Variants in RAB11FIP2 observed in about 807,000 individuals in gnomAD.
RAB11FIP2 encodes RAB11 family interacting protein 2.
RAB11FIP2 carries 16 observed loss-of-function variants against 40.9 expected under a neutral mutation model. That is an observed-to-expected ratio of 0.39 (90% CI 0.26 to 0.59). The LOEUF (loss-of-function observed/expected upper bound fraction) is 0.59, where lower values mean the gene tolerates loss of function less well. RAB11FIP2 is among the 20% of genes least tolerant of loss of function. RAB11FIP2 has a pLI of 0.53. For synonymous variants in RAB11FIP2, 228 were observed against 213.7 expected, an observed-to-expected ratio of 1.07 and a Z score of -0.58; for missense variants, 532 against 606.2, an observed-to-expected ratio of 0.88 and a Z score of 1.28.
chr10:118,041,493 G>C (rs1241836073), intron 1 of RAB11FIP2, among the ~76,000 whole-genome samples: 1 of 151,902 alleles, frequency 6.6e-6, no homozygotes, highest in Non-Finnish European at 1.5e-5. Context: ...CATTCTATGG[G>C]AAAACAGCCA....
chr10:118,024,562 C>T (rs1267740475), intron 3 of RAB11FIP2, among the ~76,000 whole-genome samples: 2 of 149,530 alleles, frequency 1.3e-5, no homozygotes, highest in African/African-American at 4.9e-5. Context: ...GGAGTGATGA[C>T]AGCAAGGCAC....
chr10:118,019,603 C>G (rs1846259447), intron 3 of RAB11FIP2, among the ~76,000 whole-genome samples: 2 of 151,986 alleles, frequency 1.3e-5, no homozygotes, highest in Non-Finnish European at 2.9e-5. Context: ...ACAGGCAGAT[C>G]ACGAGGTCAG....
chr10:118,029,691 A>C (rs1197198669), intron 3 of RAB11FIP2, among the ~76,000 whole-genome samples: 1 of 152,162 alleles, frequency 6.6e-6, no homozygotes, highest in Non-Finnish European at 1.5e-5. Flanking sequence ...GAGTAGCACC[A>C]CTGAGACAGC....
Position 118,008,709 on chromosome 10 carries a change from C to A in RAB11FIP2, c.*289G>T. On this transcript the variant is annotated 3_prime_UTR_variant, in exon 5 of 5. Coordinates refer to ENST00000355624, the MANE Select transcript of RAB11FIP2 (RefSeq NM_014904.3). Reference sequence around the variant, plus strand: ...CGTACTTCTGAAGATATTTCTGGGCCTATGGCAGATTAGTGGGTCAGTACC... The same window carrying A: ...CGTACTTCTGAAGATATTTCTGGGCATATGGCAGATTAGTGGGTCAGTACC... 3.0e-6 allele frequency: 1 copy of A among 337,362 alleles called. No individual in the cohort carries two copies. Among genetic ancestry groups the A allele is most frequent in the Admixed American group, 4.6e-5 (1 of 21,820 alleles). 20.9% of individuals were successfully genotyped at this position (337,362 alleles called of 1,614,324 possible). A position where few individuals can be genotyped will look rare whatever the true frequency, so the allele number is the denominator to read the frequency against.
chr10:118,029,140 A>G (rs1365936407), intron 3 of RAB11FIP2, among the ~76,000 whole-genome samples: 1 of 152,122 alleles, frequency 6.6e-6, no homozygotes, highest in Non-Finnish European at 1.5e-5. Context: ...TAAAAATGTT[A>G]CATTTCATTA....
At chr10:118,014,267 A>G (rs938236043) in intron 4 of RAB11FIP2, among the ~76,000 whole-genome samples, 12 of 152,182 alleles carry the variant, frequency 7.9e-5, no homozygotes, top group Admixed American at 2.0e-4. Context: ...TGGATCGCAC[A>G]CATCAAGGAC....
At chr10:118,020,678 C>T (rs1180918240) in intron 3 of RAB11FIP2, among the ~76,000 whole-genome samples, 1 of 152,206 alleles carries the variant, frequency 6.6e-6, no homozygotes, top group East Asian at 1.9e-4. Context: ...GCTAAGCATG[C>T]AATGCTGGTC....
intron 2 of RAB11FIP2, 181 bp from the exon 3 acceptor site, chr10:118,039,621 G>A (rs961257476): frequency 3.3e-5 from 20 of 603,666 alleles, no homozygotes; most frequent in Non-Finnish European, 5.5e-5. Context: ...GAAGCATCGA[G>A]GCTGATAACA....
intron 4 of RAB11FIP2, among the ~76,000 whole-genome samples, chr10:118,009,593 G>C (rs2133159959): frequency 1.3e-5 from 2 of 152,234 alleles, no homozygotes; most frequent in South Asian, 4.1e-4. Context: ...GGAACTGTAA[G>C]AAGTAACTGA....
At chr10:118,014,224 T>C (rs995749710) in intron 4 of RAB11FIP2, among the ~76,000 whole-genome samples, 5 of 151,640 alleles carry the variant, frequency 3.3e-5, no homozygotes, top group South Asian at 4.1e-4. Flanking sequence ...ATATGTGATA[T>C]GGGATTGCCT....
In RAB11FIP2 at chr10:118,046,383, G is replaced by C; in HGVS notation, c.-220C>G. 1 of 561,032 alleles carries C rather than the reference G, an allele frequency of 1.8e-6. No individual in the cohort carries two copies. The highest frequency in any genetic ancestry group is 2.3e-5 in the South Asian group (1 of 42,854). 34.8% of individuals were successfully genotyped at this position (561,032 alleles called of 1,614,324 possible). Reference sequence around the variant, plus strand: ...CCCTTTCGTCTGGAGAAACACAGAGGCCCACCATCACCTGGCCGCGCCGTG... The same window carrying C: ...CCCTTTCGTCTGGAGAAACACAGAGCCCCACCATCACCTGGCCGCGCCGTG... On this transcript the variant is annotated 5_prime_UTR_variant, in exon 1 of 5. Transcript: ENST00000355624.
intron 1 of RAB11FIP2, among the ~76,000 whole-genome samples, chr10:118,044,773 A>G (rs1379908011): frequency 6.6e-6 from 1 of 152,154 alleles, no homozygotes; most frequent in East Asian, 1.9e-4. Context: ...AAACTTCAAG[A>G]AAAATATCAT....
chr10:118,009,214 G>A lies in RAB11FIP2; in HGVS notation c.1323C>T (p.Pro441=). 1 of 1,612,508 alleles carries A rather than the reference G, an allele frequency of 6.2e-7. No individual in the cohort carries two copies. ...TACGATACCCTGCAGTGGCATCAAA[G>A]GGGTTGCTGTCCTAGAACAGGATAA... is the stretch of plus-strand genomic sequence containing the variant. ...EDLRKIPDSN[P]FDATAGYRSL... The change falls in exon 5 of 5, where the codon CCC becomes CCT. Residue 441 remains proline (P), a synonymous_variant. Coordinates refer to ENST00000355624, the MANE Select transcript of RAB11FIP2 (RefSeq NM_014904.3).
intron 3 of RAB11FIP2, among the ~76,000 whole-genome samples, chr10:118,023,030 T>C (rs988268327): frequency 3.9e-5 from 6 of 152,212 alleles, no homozygotes; most frequent in Admixed American, 3.9e-4. Context: ...CGAAGAATTA[T>C]TCTCATATTT....
chr10:118,026,992 G>GT (rs373316208), intron 3 of RAB11FIP2, among the ~76,000 whole-genome samples: 8 of 151,252 alleles, frequency 5.3e-5, no homozygotes, highest in East Asian at 1.9e-4. Context: ...TTTTATTTAA[G>GT]TTTTTTTTTA....
chr10:118,042,189 T>C (rs1429929049), intron 1 of RAB11FIP2, among the ~76,000 whole-genome samples: 2 of 152,106 alleles, frequency 1.3e-5, no homozygotes, highest in Non-Finnish European at 2.9e-5. Flanking sequence ...GAATATACTT[T>C]GCAAAAAATG....
intron 3 of RAB11FIP2, among the ~76,000 whole-genome samples, chr10:118,032,947 A>C (rs1007180734): frequency 4.6e-5 from 7 of 152,086 alleles, no homozygotes; most frequent in African/African-American, 1.7e-4. Flanking sequence ...TATTTTACTT[A>C]ATAATGGCCC....
Position 118,008,966 on chromosome 10 carries a change from G to A in RAB11FIP2, c.*32C>T, listed in dbSNP as rs1846125882. The stretch of plus-strand genomic sequence containing the variant: ...CTTCCTTCTTTCTTTCTCTCTCTTT[G>A]TCCAATTATCAATACAATACAATTG... On this transcript the variant is annotated 3_prime_UTR_variant, in exon 5 of 5. Coordinates refer to ENST00000355624, the MANE Select transcript of RAB11FIP2 (RefSeq NM_014904.3). 2 of 1,510,330 alleles carry A rather than the reference G, an allele frequency of 1.3e-6. No homozygotes were observed. Among genetic ancestry groups the A allele is most frequent in the Non-Finnish European group, 1.8e-6 (2 of 1,090,088 alleles). The allele number at this position is 1,510,330 out of a possible 1,614,324, so 93.6% of individuals were successfully genotyped here.
rs553068082 is a variant in RAB11FIP2, at chr10:118,036,069, C to CT, written c.1265+2902dup. 3.7e-3 allele frequency among the ~76,000 whole-genome samples: 559 copies of CT among 152,092 alleles called. 3 individuals carry two copies. Among genetic ancestry groups the CT allele is most frequent in the African/African-American group, 0.012 (513 of 41,474 alleles). Reference sequence around the variant, plus strand: ...TACTTAACACTAAGGAATAAAAAGTCTAACTTCTAAAAAAAGTGTGCCTTA... The same window carrying CT: ...TACTTAACACTAAGGAATAAAAAGTCTTAACTTCTAAAAAAAGTGTGCCTTA... On this transcript the variant is annotated intron_variant, in intron 3 of 4. Coordinates refer to ENST00000355624, the MANE Select transcript of RAB11FIP2 (RefSeq NM_014904.3).
Sources: gnomAD v4.1 joint callset for allele counts (sites outside exome capture counted in the v4.1 genomes callset) on GRCh38, gnomAD v4.1.1 for gene constraint, MANE v1.5 for transcripts, NCBI Gene and HGNC (gene_info 2026-07-23, HGNC 2026-07-21) for gene names.